PPP1R12B: variants seen among roughly 807,000 people sequenced by gnomAD.
PPP1R12B encodes the protein protein phosphatase 1 regulatory subunit 12B.
Under a neutral mutation model 126.1 loss-of-function variants are expected in PPP1R12B, and 76 were observed. That is an observed-to-expected ratio of 0.60 (90% CI 0.50 to 0.73). The LOEUF (loss-of-function observed/expected upper bound fraction) is 0.73, where lower values mean the gene tolerates loss of function less well. Ranked by LOEUF, PPP1R12B falls within the 30% of genes least tolerant of loss-of-function variation. The pLI, the probability that PPP1R12B is intolerant of heterozygous loss-of-function variation, is 0.00. For missense variants in PPP1R12B, 1,052 were observed against 1,205.1 expected (o/e 0.87, Z 1.88); for synonymous variants, 356 against 434.7 (o/e 0.82, Z 2.25).
rs1183897209 is a variant in PPP1R12B at position 202,588,891 on chromosome 1, A to C, written c.*8331A>C. On this transcript the variant is annotated 3_prime_UTR_variant, in exon 24 of 24. Coordinates refer to ENST00000608999, the MANE Select transcript of PPP1R12B (RefSeq NM_002481.4). ...GATAGATATCAAGGTTCCAAGCTTCAAGTAACCAAGAGTATATACGGTTAT... is the reference window on the plus strand; with the variant it reads ...GATAGATATCAAGGTTCCAAGCTTCCAGTAACCAAGAGTATATACGGTTAT... The C allele has an allele frequency of 6.7e-6, 1 of 148,668 alleles. No individual in the cohort carries two copies. Among genetic ancestry groups the C allele is most frequent in the South Asian group, 2.1e-4 (1 of 4,720 alleles). 9.2% of individuals were successfully genotyped at this position (148,668 alleles called of 1,614,324 possible).
chr1:202,450,741 A>G (rs948500376), intron 13 of PPP1R12B, among the ~76,000 whole-genome samples: 8 of 152,232 alleles, frequency 5.3e-5, no homozygotes, highest in African/African-American at 1.9e-4. Flanking sequence ...TTATGTCAGC[A>G]CTATGCTATT....
intron 18 of PPP1R12B, among the ~76,000 whole-genome samples, chr1:202,548,661 G>A (rs924545718): frequency 2.0e-5 from 3 of 151,748 alleles, no homozygotes; most frequent in African/African-American, 4.8e-5. Flanking sequence ...AATAGGTGTG[G>A]TGGTGCATGC....
intron 18 of PPP1R12B, among the ~76,000 whole-genome samples, chr1:202,551,308 CAT>C (rs1056483376): frequency 2.6e-5 from 4 of 152,294 alleles, no homozygotes; most frequent in Non-Finnish European, 5.9e-5. Context: ...ATGATGAAGA[CAT>C]ATGTGATTTA....
rs112802595 is a variant in PPP1R12B at position 202,362,065 on chromosome 1, C to CT, written c.291+12936dup. On this transcript the variant is annotated intron_variant, in intron 1 of 23. Coordinates refer to ENST00000608999, the MANE Select transcript of PPP1R12B (RefSeq NM_002481.4). Reference sequence around the variant, plus strand: ...CGGGCATTTCAGGGGAGGCAGATTACTTTTTTTTTTTTTCCTGCTTCTTGG... The same window carrying CT: ...CGGGCATTTCAGGGGAGGCAGATTACTTTTTTTTTTTTTTCCTGCTTCTTGG... 5.2e-3 allele frequency among the ~76,000 whole-genome samples: 733 copies of CT among 142,270 alleles called. 5 individuals carry two copies. Among genetic ancestry groups the CT allele is most frequent in the African/African-American group, 0.015 (579 of 39,110 alleles). The allele number at this position is 142,270 out of a possible 152,430, so 93.3% of individuals were successfully genotyped here.
In PPP1R12B at chr1:202,584,115, A is replaced by C. The variant is rs1477502807; in HGVS notation, c.*3555A>C. 1 of 152,190 alleles carries C rather than the reference A, an allele frequency of 6.6e-6. No homozygotes were observed. The highest frequency in any genetic ancestry group is 1.5e-5 in the Non-Finnish European group (1 of 68,046). The allele number at this position is 152,190 out of a possible 1,614,324, so 9.4% of individuals were successfully genotyped here. A position where few individuals can be genotyped will look rare whatever the true frequency, so the allele number is the denominator to read the frequency against. ...GGTGTTGCCTCTAAAGAATCTAAAGAATAGACATGCTTTGGGCTTACTCAG... is the reference window on the plus strand; with the variant it reads ...GGTGTTGCCTCTAAAGAATCTAAAGCATAGACATGCTTTGGGCTTACTCAG... On this transcript the variant is annotated 3_prime_UTR_variant, in exon 24 of 24. Transcript: ENST00000608999.
chr1:202,395,381 G>A (rs377038341), intron 1 of PPP1R12B, among the ~76,000 whole-genome samples: 25 of 152,034 alleles, frequency 1.6e-4, no homozygotes, highest in Admixed American at 5.9e-4. Flanking sequence ...AAATACCGCC[G>A]CTCCCTTGAT....
At chr1:202,400,810 A>G (rs1322840896) in intron 1 of PPP1R12B, among the ~76,000 whole-genome samples, 1 of 152,206 alleles carries the variant, frequency 6.6e-6, no homozygotes, top group Non-Finnish European at 1.5e-5. Context: ...GAAAGAAGTT[A>G]AGTAACTTAT....
At chr1:202,413,698 A>G (rs975642574) in intron 1 of PPP1R12B, among the ~76,000 whole-genome samples, 2 of 152,220 alleles carry the variant, frequency 1.3e-5, no homozygotes, top group African/African-American at 2.4e-5. Context: ...TTACATGTTA[A>G]TATAAATTAC....
chr1:202,352,320 C>G (rs1207257162), intron 1 of PPP1R12B, among the ~76,000 whole-genome samples: 3 of 152,110 alleles, frequency 2.0e-5, no homozygotes, highest in Non-Finnish European at 4.4e-5. Context: ...GCATTATAAT[C>G]TTAGGTACTC....
rs187540112 is a variant in PPP1R12B at position 202,434,466 on chromosome 1, A to T, written c.1142-190A>T. 4.4e-3 allele frequency among the ~76,000 whole-genome samples: 676 copies of T among 152,334 alleles called. 9 individuals carry two copies. The highest frequency in any genetic ancestry group is 0.015 in the African/African-American group (613 of 41,572). ...GTTGGAGCCTACCAAGATGGGAATA[A>T]CATTGAGTTTATTTTTTTCTGCCAA... On this transcript the variant is annotated intron_variant, in intron 8 of 23. Transcript: ENST00000608999.
chr1:202,428,517 G>A (rs182822594), intron 5 of PPP1R12B: 75 of 212,384 alleles, frequency 3.5e-4, no homozygotes, highest in Non-Finnish European at 1.7e-4. Context: ...GTTTTGAAGA[G>A]CCCTTTATGG....
At chr1:202,489,704 G>A (rs1678615626) in intron 14 of PPP1R12B, among the ~76,000 whole-genome samples, 2 of 152,196 alleles carry the variant, frequency 1.3e-5, no homozygotes, top group African/African-American at 2.4e-5. Context: ...TGGGGGGAAG[G>A]CAGAATGGTG....
In PPP1R12B at chr1:202,449,142, T is replaced by C; in HGVS notation, c.1821T>C (p.Asp607=). ...ATPVLSITGT[D]SSVEAREKRR... is the part of the protein sequence containing the mutation. ...CTGTGCTCTCCATTACTGGAACAGA[T>C]TCCTCTGTGGAAGCCAGGGAGAAGA... Residue 607 remains aspartate, a synonymous_variant, in exon 13 of 24, where the codon GAT becomes GAC. Coordinates refer to ENST00000608999, the MANE Select transcript of PPP1R12B (RefSeq NM_002481.4). 6.2e-7 allele frequency: 1 copy of C among 1,611,856 alleles called. No individual in the cohort carries two copies. Among genetic ancestry groups the C allele is most frequent in the Non-Finnish European group, 8.5e-7 (1 of 1,178,750 alleles).
intron 18 of PPP1R12B, among the ~76,000 whole-genome samples, chr1:202,520,941 C>T (rs1436678646): frequency 6.6e-6 from 1 of 151,960 alleles, no homozygotes; most frequent in Non-Finnish European, 1.5e-5. Flanking sequence ...GCAATTGGGA[C>T]CAGGTTTTTT....
chr1:202,373,732 G>C (rs1398259602), intron 1 of PPP1R12B, among the ~76,000 whole-genome samples: 1 of 151,234 alleles, frequency 6.6e-6, no homozygotes, highest in Non-Finnish European at 1.5e-5. Context: ...GTTTCCAGTA[G>C]CTTCTTTGAT....
At chr1:202,418,790 G>A (rs1229315429) in intron 2 of PPP1R12B, among the ~76,000 whole-genome samples, 3 of 151,934 alleles carry the variant, frequency 2.0e-5, no homozygotes, top group Non-Finnish European at 4.4e-5. Context: ...TTTGCAGTAT[G>A]TAGCATTTTT....
In PPP1R12B at chr1:202,440,721, A is replaced by G. The variant is rs773963397; in HGVS notation, c.1474A>G (p.Ser492Gly). 6.2e-7 allele frequency: 1 copy of G among 1,613,382 alleles called. No individual in the cohort carries two copies. The highest frequency in any genetic ancestry group is 1.1e-5 in the South Asian group (1 of 91,056). Residue 492 changes from serine (S) to glycine (G), a missense_variant, in exon 11 of 24, where the codon AGC (serine) becomes GGC (glycine). Transcript: ENST00000608999. ...TATTTTACAGGAGAGAGAAAACAAA[A>G]GCTATATTAGTTCACTAGCACCCCG... ...DNKDKERENKSYISSLAPRKL... is the reference protein window; with the variant it reads ...DNKDKERENKGYISSLAPRKL...
At chr1:202,430,499 A>C (rs1400488163) in intron 6 of PPP1R12B, among the ~76,000 whole-genome samples, 1 of 151,724 alleles carries the variant, frequency 6.6e-6, no homozygotes, top group Non-Finnish European at 1.5e-5. Flanking sequence ...ATTTGATAGG[A>C]GCAGTTTTAT....
chr1:202,413,450 T>C (rs544218032), intron 1 of PPP1R12B, among the ~76,000 whole-genome samples: 2 of 152,306 alleles, frequency 1.3e-5, no homozygotes, highest in East Asian at 3.9e-4. Context: ...CACAGTAATC[T>C]TTTGCCATTT....
Sources: gnomAD v4.1 joint callset for allele counts (sites outside exome capture counted in the v4.1 genomes callset) on GRCh38, gnomAD v4.1.1 for gene constraint, MANE v1.5 for transcripts, NCBI Gene and HGNC (gene_info 2026-07-23, HGNC 2026-07-21) for gene names.